The following BBOF1 variants were observed in gnomAD, a reference collection of about 807,000 sequenced individuals.
BBOF1 encodes basal body-orientation factor 1.
Under a neutral mutation model 68.0 loss-of-function variants are expected in BBOF1, and 62 were observed. The ratio of observed to expected loss-of-function variants is 0.91; its 90% CI spans 0.74 to 1.13. The LOEUF (loss-of-function observed/expected upper bound fraction) is 1.13. BBOF1 is among the 50% of genes most tolerant of loss of function. BBOF1 has a pLI of 0.00. For missense variants in BBOF1, 534 were observed against 600.1 expected (o/e 0.89, Z 1.15); for synonymous variants, 208 against 198.8 (o/e 1.05, Z -0.39).
intron 11 of BBOF1, among the ~76,000 whole-genome samples, chr14:74,062,009 A>G (rs192882462): frequency 9.3e-4 from 138 of 148,224 alleles, no homozygotes; most frequent in Non-Finnish European, 1.1e-3. Flanking sequence ...CATGAGCTCA[A>G]GACCAGCCTG....
chr14:74,031,168 C>T (rs1016721132), intron 3 of BBOF1, among the ~76,000 whole-genome samples: 3 of 150,714 alleles, frequency 2.0e-5, no homozygotes, highest in African/African-American at 7.3e-5. Flanking sequence ...AGCTGGAGTG[C>T]AGTGGCACAA....
intron 10 of BBOF1, 33 bp from the exon 11 acceptor site, chr14:74,057,111 G>T (rs758907336): frequency 1.2e-6 from 2 of 1,604,968 alleles, no homozygotes; most frequent in Non-Finnish European, 1.7e-6. Context: ...GTGTAGAGTT[G>T]TTGACGGTTC....
intron 11 of BBOF1, among the ~76,000 whole-genome samples, chr14:74,061,885 C>G (rs2060349042): frequency 6.6e-6 from 1 of 151,758 alleles, no homozygotes; most frequent in Non-Finnish European, 1.5e-5. Context: ...TGACATTTTA[C>G]CAGATTACCA....
rs1272998324 is a variant in BBOF1 at position 74,065,315 on chromosome 14, C to T, written c.*616C>T. ...TCCAATGTTTCTGTCTCCAGAACCA[C>T]AAGAACTGGACCAAAAATCTCCTCT... On this transcript the variant is annotated 3_prime_UTR_variant, in exon 12 of 12. Coordinates refer to ENST00000394009, the MANE Select transcript of BBOF1 (RefSeq NM_025057.3). 2 of 1,613,986 alleles carry T rather than the reference C, an allele frequency of 1.2e-6. No homozygotes were observed. The highest frequency in any genetic ancestry group is 2.2e-5 in the East Asian group (1 of 44,892).
At chr14:74,068,635 C>T (rs1405802162), downstream of BBOF1, among the ~76,000 whole-genome samples, 2 of 151,722 alleles carry the variant, frequency 1.3e-5, no homozygotes, top group African/African-American at 4.8e-5. Flanking sequence ...CCCAGCTACT[C>T]GGGAGGCTGA....
At chr14:74,068,239 T>G (rs2060499526), downstream of BBOF1, among the ~76,000 whole-genome samples, 2 of 151,500 alleles carry the variant, frequency 1.3e-5, no homozygotes, top group East Asian at 3.9e-4. Context: ...ATTAGCTGGG[T>G]GTGGTGGTAG....
chr14:74,082,856 GGAAA>G (rs1237304291), exon 13 of BBOF1: 1 of 152,112 alleles, frequency 6.6e-6, no homozygotes, highest in African/African-American at 2.4e-5. Context: ...AAAAGTACAT[GGAAA>G]GAGAGATTCT....
At chr14:74,077,964 G>C (rs1219966832) in intron 9 of BBOF1, among the ~76,000 whole-genome samples, 1 of 152,146 alleles carries the variant, frequency 6.6e-6, no homozygotes, top group Non-Finnish European at 1.5e-5. Flanking sequence ...TGTAAATAAC[G>C]GCACGGTGAT....
downstream of BBOF1, chr14:74,066,853 A>C (rs1397253000): frequency 4.3e-6 from 7 of 1,613,944 alleles, no homozygotes; most frequent in South Asian, 6.6e-5. Context: ...CTGGGGAGTG[A>C]TCAGAGGGCC....
chr14:74,073,815 G>A (rs2060580172), intron 9 of BBOF1, among the ~76,000 whole-genome samples: 1 of 151,566 alleles, frequency 6.6e-6, no homozygotes, highest in Non-Finnish European at 1.5e-5. Flanking sequence ...CTATTCGGGA[G>A]GTTGAGGCAG....
chr14:74,033,888 A>C lies in BBOF1; in HGVS notation c.352-140A>C, dbSNP rs192413372. The C allele has an allele frequency of 3.0e-3, 1,134 of 380,614 alleles. 15 individuals are homozygous for C. The highest frequency in any genetic ancestry group is 0.022 in the African/African-American group (1,026 of 46,492). The allele number at this position is 380,614 out of a possible 1,614,324, so 23.6% of individuals were successfully genotyped here. ...CTCAAAATAAATAAATAAAATAAAT[A>C]AATAAATAAATAAAAATAGAAAAAA... On this transcript the variant is annotated intron_variant, in intron 3 of 11. Coordinates refer to ENST00000394009, the MANE Select transcript of BBOF1 (RefSeq NM_025057.3).
At chr14:74,043,556 C>CAAAAAA in intron 5 of BBOF1, among the ~76,000 whole-genome samples, 1 of 26,842 alleles carries the variant, frequency 3.7e-5, no homozygotes, top group Non-Finnish European at 7.2e-5. Flanking sequence ...GACTCCGTCT[C>CAAAAAA]AAAAAAAAAA....
intron 5 of BBOF1, among the ~76,000 whole-genome samples, chr14:74,043,421 G>A (rs2059874260): frequency 6.7e-6 from 1 of 148,960 alleles, no homozygotes; most frequent in African/African-American, 2.5e-5. Context: ...GCGGTGGCGG[G>A]CGCCTGTAGT....
chr14:74,024,790 A>G (rs964792675), intron 2 of BBOF1, among the ~76,000 whole-genome samples: 1 of 151,818 alleles, frequency 6.6e-6, no homozygotes, highest in Admixed American at 6.6e-5. Flanking sequence ...TTTTGTGGAG[A>G]TGGGATTTCG....
At chr14:74,055,471 A>G (rs771482167) in intron 8 of BBOF1, 113 bp from the exon 9 acceptor site, 25 of 736,106 alleles carry the variant, frequency 3.4e-5, no homozygotes, top group Non-Finnish European at 5.2e-5. Context: ...ATAATATTCA[A>G]TTATGGTGTG....
intron 6 of BBOF1, 56 bp downstream of exon 6, chr14:74,046,186 G>C: frequency 6.9e-7 from 1 of 1,444,032 alleles, no homozygotes; most frequent in Non-Finnish European, 9.4e-7. Context: ...CTCTTTGCTG[G>C]TCTCTTTTCT....
intron 3 of BBOF1, among the ~76,000 whole-genome samples, chr14:74,031,512 T>A (rs570921679): frequency 6.6e-6 from 1 of 152,296 alleles, no homozygotes; most frequent in Non-Finnish European, 1.5e-5. Context: ...CAGAATACCA[T>A]AGACTGAGGT....
At chr14:74,081,261 AT>A (rs1205155432) in exon 12 of BBOF1, 2 of 152,198 alleles carry the variant, frequency 1.3e-5, no homozygotes, top group African/African-American at 4.8e-5. Flanking sequence ...CCCTAGCACA[AT>A]TCCTGGAAGA....
intron 3 of BBOF1, among the ~76,000 whole-genome samples, chr14:74,031,293 T>G (rs1205075453): frequency 6.6e-6 from 1 of 151,924 alleles, no homozygotes; most frequent in Non-Finnish European, 1.5e-5. Flanking sequence ...TTGTATTTTT[T>G]GTAGAGATGG....
Sources: allele counts gnomAD v4.1 joint callset (sites outside exome capture counted in the v4.1 genomes callset), GRCh38; gene constraint gnomAD v4.1.1; transcripts MANE v1.5; gene names NCBI Gene and HGNC (gene_info 2026-07-23, HGNC 2026-07-21).